Variants in KCMF1 observed in about 807,000 individuals in gnomAD.
KCMF1 encodes potassium channel modulatory factor 1.
A neutral mutation model predicts 41.1 loss-of-function variants in KCMF1; 3 were observed. The ratio of observed to expected loss-of-function variants is 0.07; its 90% CI spans 0.03 to 0.19. KCMF1 has a LOEUF of 0.19. Ranked by LOEUF, KCMF1 falls within the 10% of genes least tolerant of loss-of-function variation. The pLI, the probability that KCMF1 is intolerant of heterozygous loss-of-function variation, is 1.00. For missense variants in KCMF1, 286 were observed against 488.9 expected (o/e 0.58, Z 3.91); for synonymous variants, 142 against 164.5 (o/e 0.86, Z 1.04).
At chr2:85,048,550 C>G (rs1468514044) in intron 5 of KCMF1, among the ~76,000 whole-genome samples, 1 of 152,216 alleles carries the variant, frequency 6.6e-6, no homozygotes, top group African/African-American at 2.4e-5. Context: ...AAAGTGTCTG[C>G]AAGGCAGTCA....
Position 85,053,283 on chromosome 2 carries a change from T to C in KCMF1, c.1020T>C (p.Asp340=), listed in dbSNP as rs115702180. Residue 340 remains aspartate, a synonymous_variant, in exon 7 of 7, where the codon GAT becomes GAC. Transcript: ENST00000409785. ...REESSSSDED[D]RGEMADFGAM... is the part of the protein sequence containing the mutation. ...AGAGCTCATCCTCAGATGAGGATGA[T>C]CGGGGGGAGATGGCAGATTTTGGTG... 1.1e-3 allele frequency: 1,804 copies of C among 1,613,962 alleles called. 13 individuals carry two copies. In the African/African-American group the frequency reaches 0.02, roughly 18 times the overall value.
intron 3 of KCMF1, among the ~76,000 whole-genome samples, chr2:85,042,677 T>G (rs991889506): frequency 1.1e-4 from 17 of 152,222 alleles, no homozygotes; most frequent in African/African-American, 4.1e-4. Flanking sequence ...TGTTCATACT[T>G]CAAGGCTTGG....
intron 1 of KCMF1, among the ~76,000 whole-genome samples, chr2:84,985,250 T>C (rs917805166): frequency 6.6e-5 from 10 of 152,184 alleles, no homozygotes; most frequent in African/African-American, 2.4e-4. Flanking sequence ...CATTGTAGGC[T>C]GTGTTGAGGA....
At chr2:85,024,642 A>C (rs1214382868) in intron 1 of KCMF1, among the ~76,000 whole-genome samples, 1 of 151,612 alleles carries the variant, frequency 6.6e-6, no homozygotes, top group Non-Finnish European at 1.5e-5. Flanking sequence ...GATTTAAGAA[A>C]TTGTTTTCTA....
At chr2:85,031,865 G>A (rs971092372) in intron 2 of KCMF1, among the ~76,000 whole-genome samples, 1 of 151,844 alleles carries the variant, frequency 6.6e-6, no homozygotes, top group Non-Finnish European at 1.5e-5. Flanking sequence ...TCAGCCTTCC[G>A]AGTAGCCCAC....
intron 1 of KCMF1, among the ~76,000 whole-genome samples, chr2:84,990,627 A>C (rs937553608): frequency 6.6e-6 from 1 of 151,728 alleles, no homozygotes; most frequent in Non-Finnish European, 1.5e-5. Context: ...TGGGCAACAC[A>C]GGGAGACCCT....
intron 2 of KCMF1, 61 bp from the exon 3 acceptor site, chr2:85,034,953 CGA>C (rs1558583152): frequency 4.4e-5 from 61 of 1,383,902 alleles, no homozygotes; most frequent in Non-Finnish European, 5.8e-5. Flanking sequence ...TTGTATCGTA[CGA>C]TTACATTTTT....
chr2:84,973,553 A>G (rs1466797651), intron 1 of KCMF1, among the ~76,000 whole-genome samples: 2 of 152,222 alleles, frequency 1.3e-5, no homozygotes, highest in Non-Finnish European at 2.9e-5. Flanking sequence ...CTTATAGTAC[A>G]ATATTCGACA....
At chr2:84,984,760 C>T (rs1056216166) in intron 1 of KCMF1, among the ~76,000 whole-genome samples, 10 of 152,104 alleles carry the variant, frequency 6.6e-5, no homozygotes, top group African/African-American at 9.7e-5. Flanking sequence ...GCAGAGGTTG[C>T]GGTGAGCCAA....
At chr2:84,978,080 C>T (rs868235351) in intron 1 of KCMF1, among the ~76,000 whole-genome samples, 23 of 152,010 alleles carry the variant, frequency 1.5e-4, no homozygotes, top group African/African-American at 4.8e-4. Flanking sequence ...TCACCGCAAC[C>T]TACGCCTCCC....
intron 2 of KCMF1, among the ~76,000 whole-genome samples, chr2:85,032,160 G>A (rs1437848115): frequency 6.6e-6 from 1 of 151,596 alleles, no homozygotes; most frequent in African/African-American, 2.4e-5. Context: ...AGAGTGGTTT[G>A]TTTTGTTTGT....
At chr2:84,984,786 CTCCAG>C (rs1673859168) in intron 1 of KCMF1, among the ~76,000 whole-genome samples, 1 of 152,168 alleles carries the variant, frequency 6.6e-6, no homozygotes, top group Non-Finnish European at 1.5e-5. Context: ...CGCCATTGCA[CTCCAG>C]TCCAGCCTGG....
chr2:85,025,304 T>G (rs1476818143), intron 1 of KCMF1, among the ~76,000 whole-genome samples: 1 of 152,236 alleles, frequency 6.6e-6, no homozygotes, highest in Admixed American at 6.5e-5. Context: ...TTGGTTAGAT[T>G]TATTCATAGG....
In KCMF1 at chr2:84,975,276, G is replaced by A. The variant is rs183170957; in HGVS notation, c.16+3809G>A. Among the ~76,000 whole-genome samples, 9 of 152,186 alleles carry A rather than the reference G, an allele frequency of 5.9e-5. No individual in the cohort carries two copies. The East Asian group carries it at 1.4e-3, about 23-fold the overall frequency. ...AAGTGGTGGTTGGATTTGGCCTGAG[G>A]GCTGTAGTTTGCCTTACTTTACCTC... On this transcript the variant is annotated intron_variant, in intron 1 of 6. Coordinates refer to ENST00000409785, the MANE Select transcript of KCMF1 (RefSeq NM_020122.5).
chr2:85,028,280 TC>T (rs1175380954), intron 2 of KCMF1, among the ~76,000 whole-genome samples: 3 of 151,998 alleles, frequency 2.0e-5, no homozygotes, highest in Non-Finnish European at 4.4e-5. Flanking sequence ...CCTCCCTGGT[TC>T]AAGCAATTCC....
At chr2:85,030,783 G>T (rs145298659) in intron 2 of KCMF1, among the ~76,000 whole-genome samples, 1 of 152,114 alleles carries the variant, frequency 6.6e-6, no homozygotes, top group African/African-American at 2.4e-5. Flanking sequence ...TGCAGCCTCC[G>T]CTTCCCAGGC....
At position 84,978,818 on chromosome 2, in the gene KCMF1, C is replaced by T. The variant is rs556169353; in HGVS notation, c.16+7351C>T. 3.9e-5 allele frequency among the ~76,000 whole-genome samples: 6 copies of T among 151,924 alleles called. No individual in the cohort carries two copies. In the East Asian group the frequency reaches 1.2e-3, roughly 30 times the overall value. On this transcript the variant is annotated intron_variant, in intron 1 of 6. Transcript: ENST00000409785. Reference sequence around the variant, plus strand: ...ACAACCTCCACTTCCTGGGTTCAAGCGATTCTCCTGCCTCAGCCTCCCGAG... The same window carrying T: ...ACAACCTCCACTTCCTGGGTTCAAGTGATTCTCCTGCCTCAGCCTCCCGAG...
chr2:84,978,302 A>T (rs1289947830), intron 1 of KCMF1, among the ~76,000 whole-genome samples: 2 of 152,054 alleles, frequency 1.3e-5, no homozygotes, highest in Non-Finnish European at 2.9e-5. Flanking sequence ...CAGCCTTAGC[A>T]GCAGTCTTGT....
At chr2:85,025,217 G>A (rs962545725) in intron 1 of KCMF1, among the ~76,000 whole-genome samples, 2 of 152,052 alleles carry the variant, frequency 1.3e-5, no homozygotes, top group Non-Finnish European at 2.9e-5. Context: ...CATGAAGTTG[G>A]TATTTATATT....
Sources: gnomAD v4.1 joint callset for allele counts (sites outside exome capture counted in the v4.1 genomes callset) on GRCh38, gnomAD v4.1.1 for gene constraint, MANE v1.5 for transcripts, NCBI Gene and HGNC (gene_info 2026-07-23, HGNC 2026-07-21) for gene names.